Variants in GAGE10 observed in about 807,000 individuals in gnomAD.
The protein encoded by GAGE10 is G antigen 10.
Under a neutral mutation model 11.5 loss-of-function variants are expected in GAGE10, and 9 were observed. The observed-to-expected ratio is 0.78, with a 90% CI of 0.47 to 1.37. GAGE10 has a LOEUF of 1.37. Ranked by LOEUF, GAGE10 falls within the 40% of genes most tolerant of loss-of-function variation. The pLI, the probability that GAGE10 is intolerant of heterozygous loss-of-function variation, is 0.00. For missense variants in GAGE10, 83 were observed against 92.9 expected (o/e 0.89, Z 0.44); for synonymous variants, 23 against 29.7 (o/e 0.77, Z 0.73).
intron 3 of GAGE10, among the ~76,000 whole-genome samples, chrX:49,314,019 A>G (rs1366059766): frequency 8.9e-6 from 1 of 112,142 alleles, no homozygotes; most frequent in African/African-American, 3.2e-5. Flanking sequence ...GCCTAGTTAT[A>G]ATTCTGTCAA....
At chrX:49,311,125 A>G (rs1370544553) in intron 3 of GAGE10, among the ~76,000 whole-genome samples, 3 of 111,607 alleles carry the variant, frequency 2.7e-5, no homozygotes, top group Admixed American at 9.5e-5. Flanking sequence ...TAGGCTGAGG[A>G]CAACCCCCCT....
chrX:49,309,034 G>A (rs145506423), intron 3 of GAGE10, among the ~76,000 whole-genome samples: 2,161 of 112,093 alleles, frequency 0.019, 56 homozygotes, highest in African/African-American at 0.067. Flanking sequence ...AGGCAAGTGC[G>A]GGGGAAATCA....
chrX:49,317,600 A>C (rs1337808020), intron 4 of GAGE10, among the ~76,000 whole-genome samples: 3 of 110,167 alleles, frequency 2.7e-5, no homozygotes, highest in African/African-American at 9.8e-5. Context: ...CACTTAACTT[A>C]ACCTTTGAAA....
intron 4 of GAGE10, among the ~76,000 whole-genome samples, 191 bp downstream of exon 4, chrX:49,317,479 C>G (rs1242859286): frequency 1.8e-5 from 2 of 111,550 alleles, no homozygotes; most frequent in African/African-American, 6.5e-5. Context: ...TCTCGCGGAG[C>G]TGGGCTTATG....
intron 3 of GAGE10, among the ~76,000 whole-genome samples, chrX:49,306,825 TAATA>T (rs1557124217): frequency 1.2e-5 from 1 of 85,573 alleles, no homozygotes; most frequent in African/African-American, 3.5e-5. Flanking sequence ...ACCTTATCAC[TAATA>T]AATAAATAAA....
At chrX:49,316,955 G>C (rs1557125314) in intron 3 of GAGE10, among the ~76,000 whole-genome samples, 1 of 110,925 alleles carries the variant, frequency 9.0e-6, no homozygotes, top group East Asian at 2.8e-4. Flanking sequence ...GCAGTCTCTG[G>C]AAAGGAAGAG....
chrX:49,317,256 C>T lies in GAGE10; in HGVS notation c.296C>T (p.Pro99Leu), dbSNP rs139959382. The change falls in exon 4 of 5, where the codon CCA (proline) becomes CTA (leucine). Residue 99 changes from proline (P) to leucine (L), a missense_variant. By Grantham distance (98) the Pro-to-Leu change is moderately conservative (BLOSUM62 -3). Coordinates refer to ENST00000407599, the MANE Select transcript of GAGE10 (RefSeq NM_001098413.4). ...CCTGATGGCCAGGAGATGGGCCTGCCAAATCCAGAGGAGGTGAAAAGGCCT... is the reference window on the plus strand; with the variant it reads ...CCTGATGGCCAGGAGATGGGCCTGCTAAATCCAGAGGAGGTGAAAAGGCCT... ...DGPDGQEMGL[P>L]NPEEVKRPEE... 9 of 1,205,692 alleles carry T rather than the reference C, an allele frequency of 7.5e-6. No homozygotes were observed. Among genetic ancestry groups the T allele is most frequent in the Non-Finnish European group, 1.0e-5 (9 of 892,747 alleles).
chrX:49,316,085 G>A (rs1236790517), intron 3 of GAGE10, among the ~76,000 whole-genome samples: 1 of 111,770 alleles, frequency 8.9e-6, no homozygotes, highest in Non-Finnish European at 1.9e-5. Context: ...TAAAGAATGT[G>A]TAAGCAAAAA....
intron 3 of GAGE10, among the ~76,000 whole-genome samples, chrX:49,312,758 C>T (rs1288952367): frequency 1.8e-5 from 2 of 112,510 alleles, no homozygotes; most frequent in African/African-American, 3.2e-5. Flanking sequence ...GGCTAGCTGT[C>T]CCAGAAACAA....
At chrX:49,305,310 A>G (rs1557123954) in intron 2 of GAGE10, 94 bp from the exon 3 acceptor site, 10 of 552,458 alleles carry the variant, frequency 1.8e-5, no homozygotes, top group Non-Finnish European at 2.5e-5. Flanking sequence ...CTTAGTTAGG[A>G]CCAGAAATAG....
At chrX:49,305,276 T>C in intron 2 of GAGE10, 128 bp from the exon 3 acceptor site, 2 of 1,146,729 alleles carry the variant, frequency 1.7e-6, no homozygotes, top group Middle Eastern at 3.4e-4. Context: ...GCATAGAGCA[T>C]AGAGTTGGAG....
At chrX:49,306,612 G>T (rs1196209543) in intron 3 of GAGE10, among the ~76,000 whole-genome samples, 8 of 111,604 alleles carry the variant, frequency 7.2e-5, no homozygotes, top group African/African-American at 2.6e-4. Context: ...AGATTTCTTA[G>T]CTGATGCACA....
At chrX:49,313,663 G>A (rs1401247340) in intron 3 of GAGE10, among the ~76,000 whole-genome samples, 1 of 111,886 alleles carries the variant, frequency 8.9e-6, no homozygotes, top group Non-Finnish European at 1.9e-5. Flanking sequence ...GCCCCATATT[G>A]TGATCATGTC....
chrX:49,304,899 A>G lies in GAGE10; in HGVS notation c.40A>G (p.Arg14Gly). ...RGRSTYRPRP[R>G]RYVEPPEMIG... ...AAGATCGACCTATCGGCCTAGACCA[A>G]GACGCTACGTAGAGCCCCCTGAAAT... Residue 14 changes from arginine to glycine, a missense_variant, in exon 2 of 5, where the codon AGA becomes GGA. Transcript: ENST00000407599. 10 of 1,209,693 alleles carry G rather than the reference A, an allele frequency of 8.3e-6. No individual in the cohort carries two copies. The highest frequency in any genetic ancestry group is 1.1e-5 in the Non-Finnish European group (10 of 893,673).
intron 3 of GAGE10, among the ~76,000 whole-genome samples, chrX:49,311,288 A>G (rs1453531078): frequency 2.2e-4 from 25 of 112,434 alleles, no homozygotes; most frequent in Admixed American, 6.6e-4. Context: ...AGTGAAATGC[A>G]AGTCCTTCTG....
At chrX:49,316,096 C>A (rs1557125190) in intron 3 of GAGE10, among the ~76,000 whole-genome samples, 1 of 111,718 alleles carries the variant, frequency 9.0e-6, no homozygotes, top group African/African-American at 3.3e-5. Flanking sequence ...TAAGCAAAAA[C>A]TCAGTTGTTT....
At chrX:49,317,435 C>T in intron 4 of GAGE10, 147 bp downstream of exon 4, 3 of 961,311 alleles carry the variant, frequency 3.1e-6, no homozygotes, top group South Asian at 4.7e-5. Context: ...GGAAATTCCG[C>T]CTTCTGGGTT....
chrX:49,317,102 A>G, intron 3 of GAGE10, 61 bp from the exon 4 acceptor site: 1 of 1,097,237 alleles, frequency 9.1e-7, no homozygotes. Flanking sequence ...CATGAATATT[A>G]TTTTCTTATT....
At chrX:49,307,796 A>T (rs1432343750) in intron 3 of GAGE10, among the ~76,000 whole-genome samples, 1 of 112,575 alleles carries the variant, frequency 8.9e-6, no homozygotes, top group Non-Finnish European at 1.9e-5. Context: ...AGGAATTAAA[A>T]GAAATTAAAG....
Sources: allele counts gnomAD v4.1 joint callset (sites outside exome capture counted in the v4.1 genomes callset), GRCh38; gene constraint gnomAD v4.1.1; transcripts MANE v1.5; gene names NCBI Gene and HGNC (gene_info 2026-07-23, HGNC 2026-07-21).